Variants in TRAF3 observed in about 807,000 individuals in gnomAD.
TRAF3 encodes the protein TNF receptor associated factor 3, also known as TNF receptor-associated factor 3.
TRAF3 carries 13 observed loss-of-function variants against 62.3 expected under a neutral mutation model. That is an observed-to-expected ratio of 0.21 (90% CI 0.14 to 0.33). The LOEUF (loss-of-function observed/expected upper bound fraction) is 0.33. Among genes scored for constraint, TRAF3 ranks in the 10% least tolerant of loss-of-function variants. TRAF3 has a pLI of 1.00. For synonymous variants in TRAF3, 269 were observed against 283.4 expected (o/e 0.95, Z 0.51); for missense variants, 440 against 741.8 (o/e 0.59, Z 4.73).
chr14:102,851,527 G>A (rs754380064), intron 2 of TRAF3, among the ~76,000 whole-genome samples: 10 of 152,120 alleles, frequency 6.6e-5, no homozygotes, highest in Non-Finnish European at 8.8e-5. Flanking sequence ...GGCGGATCAC[G>A]AGGTCAGGAG....
chr14:102,821,754 G>T (rs1418389332), intron 1 of TRAF3, among the ~76,000 whole-genome samples: 7 of 152,156 alleles, frequency 4.6e-5, no homozygotes, highest in Admixed American at 4.6e-4. Flanking sequence ...AAATACTCAG[G>T]GTTTTGTGGC....
chr14:102,789,343 A>T (rs1897672869), intron 1 of TRAF3, among the ~76,000 whole-genome samples: 2 of 152,200 alleles, frequency 1.3e-5, no homozygotes, highest in Non-Finnish European at 2.9e-5. Context: ...GTTTCTGTGT[A>T]GGTATGTTTT....
chr14:102,864,601 C>T (rs549156849), intron 2 of TRAF3, among the ~76,000 whole-genome samples: 34 of 152,264 alleles, frequency 2.2e-4, no homozygotes, highest in Non-Finnish European at 4.1e-4. Flanking sequence ...GCCAAATTTA[C>T]GTACACCTTA....
At position 102,870,486 on chromosome 14, in the gene TRAF3, A is replaced by C. The variant is rs1450912455; in HGVS notation, c.245+40A>C. The C allele has an allele frequency of 5.6e-6, 9 of 1,608,204 alleles. No homozygotes were observed. In the East Asian group the frequency reaches 2.0e-4, roughly 36 times the overall value. ...CCGGCCCGTCGCCCGGCCCCTTCTC[A>C]GCCCTCGGCCTCACCCTCTCCTTCA... On this transcript the variant is annotated intron_variant, in intron 3 of 11. Transcript: ENST00000392745.
At chr14:102,886,133 G>C in intron 6 of TRAF3, 56 bp from the exon 7 acceptor site, 1 of 1,586,528 alleles carries the variant, frequency 6.3e-7, no homozygotes, top group South Asian at 1.1e-5. Flanking sequence ...ATCTCAGCGG[G>C]ACTGAAGGAA....
At chr14:102,839,663 A>G (rs1289285415) in intron 2 of TRAF3, among the ~76,000 whole-genome samples, 3 of 152,156 alleles carry the variant, frequency 2.0e-5, no homozygotes, top group Non-Finnish European at 4.4e-5. Context: ...ATACTATATA[A>G]TTACTCAGTT....
At chr14:102,791,144 C>T (rs1048297365) in intron 1 of TRAF3, among the ~76,000 whole-genome samples, 2 of 151,658 alleles carry the variant, frequency 1.3e-5, no homozygotes, top group Non-Finnish European at 2.9e-5. Context: ...CTCAGCCTCC[C>T]GAGTAGCTGG....
At chr14:102,816,663 G>GTT (rs1330240734) in intron 1 of TRAF3, among the ~76,000 whole-genome samples, 3 of 152,134 alleles carry the variant, frequency 2.0e-5, no homozygotes, top group Admixed American at 6.5e-5. Context: ...ATGACATTCT[G>GTT]TTACATGGTT....
intron 1 of TRAF3, among the ~76,000 whole-genome samples, chr14:102,785,452 G>A (rs1484592418): frequency 6.6e-6 from 1 of 152,204 alleles, no homozygotes; most frequent in Non-Finnish European, 1.5e-5. Context: ...TAAACTGGTA[G>A]TCTAGTAATA....
intron 1 of TRAF3, among the ~76,000 whole-genome samples, chr14:102,784,756 G>A (rs566268922): frequency 1.3e-5 from 2 of 152,348 alleles, no homozygotes; most frequent in Admixed American, 6.5e-5. Context: ...AGAGGCTCTG[G>A]TGCATTGTGG....
At chr14:102,778,075 G>A (rs1339160792) in intron 1 of TRAF3, among the ~76,000 whole-genome samples, 4 of 150,468 alleles carry the variant, frequency 2.7e-5, no homozygotes, top group African/African-American at 7.3e-5. Context: ...GCGGCTCAGG[G>A]GCTGCGTGGC....
At position 102,903,244 on chromosome 14, in the gene TRAF3, T is replaced by G. The variant is rs1389462263; in HGVS notation, c.961-11T>G. On this transcript the variant is annotated splice_polypyrimidine_tract_variant and intron_variant, in intron 10 of 11. Coordinates refer to ENST00000392745, the MANE Select transcript of TRAF3 (RefSeq NM_145725.3). This position sits in a 1 kb window ranked among gnomAD's most constrained non-coding sequence, Gnocchi z 6.4. ...ACTGTGTTTTGCTTTTTAACACCTTTGGTTTGGAAGCGAGTGATAGACAGC... is the reference window on the plus strand; with the variant it reads ...ACTGTGTTTTGCTTTTTAACACCTTGGGTTTGGAAGCGAGTGATAGACAGC... 3.1e-6 allele frequency: 5 copies of G among 1,614,036 alleles called. No homozygotes were observed.
At chr14:102,813,249 A>G (rs1246785275) in intron 1 of TRAF3, among the ~76,000 whole-genome samples, 1 of 136,194 alleles carries the variant, frequency 7.3e-6, no homozygotes, top group Non-Finnish European at 1.7e-5. Context: ...TGCTGGGATT[A>G]CAGGTTTGAG....
At chr14:102,823,144 G>T (rs1900086901) in intron 1 of TRAF3, among the ~76,000 whole-genome samples, 1 of 152,198 alleles carries the variant, frequency 6.6e-6, no homozygotes, top group African/African-American at 2.4e-5. Context: ...GATGGCAGTG[G>T]GTGGGAATGA....
chr14:102,864,370 G>A (rs1182303504), intron 2 of TRAF3, among the ~76,000 whole-genome samples: 1 of 151,818 alleles, frequency 6.6e-6, no homozygotes, highest in Non-Finnish European at 1.5e-5. Flanking sequence ...GGATGGTCTC[G>A]ATCTCCTGAC....
At chr14:102,846,007 A>T (rs1036194306) in intron 2 of TRAF3, among the ~76,000 whole-genome samples, 1 of 90,084 alleles carries the variant, frequency 1.1e-5, no homozygotes, top group South Asian at 2.6e-4. Context: ...AAAAAAAAAA[A>T]AATACTATTA....
chr14:102,835,912 TA>T (rs200221536), intron 2 of TRAF3, among the ~76,000 whole-genome samples: 3 of 151,256 alleles, frequency 2.0e-5, no homozygotes, highest in African/African-American at 4.9e-5. Context: ...AAAATAAAAG[TA>T]AAAAAAAATA....
At chr14:102,805,792 T>C (rs1898737079) in intron 1 of TRAF3, among the ~76,000 whole-genome samples, 1 of 152,214 alleles carries the variant, frequency 6.6e-6, no homozygotes, top group Admixed American at 6.5e-5. Flanking sequence ...TCAAAGGAAA[T>C]GTCAGCATGT....
chr14:102,850,773 T>G (rs1056967301), intron 2 of TRAF3, among the ~76,000 whole-genome samples: 1 of 152,074 alleles, frequency 6.6e-6, no homozygotes, highest in Non-Finnish European at 1.5e-5. Context: ...TGGCCCTTCC[T>G]TAGCTCAAAG....
Sources: gnomAD v4.1 joint callset for allele counts (sites outside exome capture counted in the v4.1 genomes callset) on GRCh38, gnomAD v4.1.1 for gene constraint, Gnocchi (gnomAD v3.1) non-coding constraint, MANE v1.5 for transcripts, NCBI Gene and HGNC (gene_info 2026-07-23, HGNC 2026-07-21) for gene names.